The following LYRM4 variants were observed in gnomAD, a reference collection of about 807,000 sequenced individuals.
LYRM4 encodes LYR motif containing 4, also known as LYR motif-containing protein 4.
In LYRM4, 9 loss-of-function variants were observed where a neutral mutation model predicts 11.7. The observed-to-expected ratio is 0.77, with a 90% CI of 0.46 to 1.34. The LOEUF (loss-of-function observed/expected upper bound fraction) is 1.34, where lower values mean the gene tolerates loss of function less well. Among genes scored for constraint, LYRM4 ranks in the 40% most tolerant of loss-of-function variants. LYRM4 has a pLI of 0.00. For synonymous variants in LYRM4, 42 were observed against 40.4 expected, an observed-to-expected ratio of 1.04 and a Z score of -0.15; for missense variants, 133 against 112.5, an observed-to-expected ratio of 1.18 and a Z score of -0.82.
At chr6:5,074,516 TAGC>T in the LYRM4 span, among the ~76,000 whole-genome samples, 1 of 147,330 alleles carries the variant, frequency 6.8e-6, no homozygotes, top group Non-Finnish European at 1.5e-5. Flanking sequence ...CAGATAGAAA[TAGC>T]AGCAAGAGAA....
intron 2 of LYRM4, among the ~76,000 whole-genome samples, chr6:5,153,056 T>TA (rs1758184375): frequency 6.6e-6 from 1 of 152,194 alleles, no homozygotes; most frequent in South Asian, 2.1e-4. Context: ...CACAATACAC[T>TA]AGGCTGTTGG....
the LYRM4 span, among the ~76,000 whole-genome samples, chr6:5,075,785 T>A: frequency 1.3e-5 from 2 of 152,222 alleles, no homozygotes; most frequent in Non-Finnish European, 2.9e-5. Context: ...CATTTATTCA[T>A]AATTGCTTTT....
chr6:5,144,044 C>T lies in LYRM4; in HGVS notation c.208-34553G>A, dbSNP rs900728163. The T allele has an allele frequency of 3.8e-5, 53 of 1,403,304 alleles. 1 individual carries two copies. In the South Asian group the frequency reaches 5.5e-4, roughly 15 times the overall value. The allele number at this position is 1,403,304 out of a possible 1,614,324, so 86.9% of individuals were successfully genotyped here. ...AAGCCCCTGACATCAAATTGCTTTC[C>T]TCCCTGAATAGCTGCTTCATACTCC... On this transcript the variant is annotated intron_variant, in intron 2 of 2. Coordinates refer to ENST00000330636, the MANE Select transcript of LYRM4 (RefSeq NM_020408.6).
At chr6:5,078,228 C>G in the LYRM4 span, among the ~76,000 whole-genome samples, 1 of 151,526 alleles carries the variant, frequency 6.6e-6, no homozygotes, top group African/African-American at 2.4e-5. Flanking sequence ...TGGCCCCTTT[C>G]AGCTGGGTAC....
chr6:5,087,153 T>G, the LYRM4 span: 2 of 152,470 alleles, frequency 1.3e-5, no homozygotes, highest in African/African-American at 4.8e-5. Context: ...GTGCCCAGAC[T>G]TGACGTTGTT....
the LYRM4 span, among the ~76,000 whole-genome samples, chr6:5,038,887 A>AGGGGGAGGGG: frequency 2.3e-5 from 2 of 85,110 alleles, no homozygotes; most frequent in African/African-American, 5.6e-5. Context: ...GTGGAGGGAG[A>AGGGGGAGGGG]GAGAGGGAGA....
chr6:5,171,188 C>T (rs1211535799), intron 2 of LYRM4, among the ~76,000 whole-genome samples: 1 of 152,026 alleles, frequency 6.6e-6, no homozygotes, highest in Non-Finnish European at 1.5e-5. Flanking sequence ...ATTACAATAA[C>T]CACAGATTAT....
At chr6:5,179,065 C>CAAAAAAAAAAAAAAAAAAAA (rs58749743) in intron 2 of LYRM4, among the ~76,000 whole-genome samples, 1 of 103,898 alleles carries the variant, frequency 9.6e-6, no homozygotes, top group Non-Finnish European at 1.9e-5. Flanking sequence ...ACCAAAAAAA[C>CAAAAAAAAAAAAAAAAAAAA]AAAAAAAAAA....
intron 2 of LYRM4, among the ~76,000 whole-genome samples, chr6:5,117,795 GA>G (rs1763190802): frequency 6.6e-6 from 1 of 152,014 alleles, no homozygotes. Flanking sequence ...TTGAGCCCAG[GA>G]GTTCGAGGCT....
chr6:5,161,061 GATA>G (rs1304931053), intron 2 of LYRM4, among the ~76,000 whole-genome samples: 17 of 152,158 alleles, frequency 1.1e-4, no homozygotes, highest in Admixed American at 1.0e-3. Context: ...ACCCTACATT[GATA>G]ATACTACTAC....
chr6:5,096,056 T>C, the LYRM4 span, among the ~76,000 whole-genome samples: 3 of 152,170 alleles, frequency 2.0e-5, no homozygotes, highest in Non-Finnish European at 4.4e-5. Flanking sequence ...ATTTTGACAA[T>C]GTACTATGAT....
intron 2 of LYRM4, among the ~76,000 whole-genome samples, chr6:5,204,033 AC>A (rs1397658699): frequency 6.6e-6 from 1 of 152,044 alleles, no homozygotes; most frequent in East Asian, 1.9e-4. Context: ...TCTCCTTCAC[AC>A]CCCTAGGAAG....
At chr6:5,226,410 G>A (rs1762894379) in intron 1 of LYRM4, among the ~76,000 whole-genome samples, 1 of 152,156 alleles carries the variant, frequency 6.6e-6, no homozygotes, top group South Asian at 2.1e-4. Flanking sequence ...TTGAGATGGA[G>A]TTTTGCTCTT....
At chr6:5,091,140 C>G in the LYRM4 span, among the ~76,000 whole-genome samples, 1 of 152,216 alleles carries the variant, frequency 6.6e-6, no homozygotes, top group Non-Finnish European at 1.5e-5. Context: ...GTTTGTCCAG[C>G]CAGTCCCCAA....
chr6:5,255,876 G>T (rs748529627), intron 1 of LYRM4, among the ~76,000 whole-genome samples: 1 of 152,198 alleles, frequency 6.6e-6, no homozygotes, highest in Non-Finnish European at 1.5e-5. Flanking sequence ...ACCCCAGGAT[G>T]AGAACTACTA....
chr6:5,074,026 G>A, the LYRM4 span, among the ~76,000 whole-genome samples: 7 of 152,092 alleles, frequency 4.6e-5, no homozygotes, highest in African/African-American at 1.2e-4. Flanking sequence ...CTAGACACAC[G>A]TGGCTGCAGG....
the LYRM4 span, chr6:5,085,287 C>T: frequency 1.9e-6 from 1 of 514,606 alleles, no homozygotes; most frequent in Admixed American, 3.9e-5. Flanking sequence ...CATCCTCCTC[C>T]CACTTCGCCC....
At chr6:5,211,455 G>GT in intron 2 of LYRM4, among the ~76,000 whole-genome samples, 1 of 152,148 alleles carries the variant, frequency 6.6e-6, no homozygotes, top group Non-Finnish European at 1.5e-5. Context: ...AAAAAAAAGT[G>GT]TAAGCTAAGA....
chr6:5,140,998 T>C (rs1757378512), intron 2 of LYRM4, among the ~76,000 whole-genome samples: 1 of 152,244 alleles, frequency 6.6e-6, no homozygotes, highest in African/African-American at 2.4e-5. Flanking sequence ...ACCAAGAGCC[T>C]CTGTGTGTGA....
Sources: gnomAD v4.1 joint callset for allele counts (sites outside exome capture counted in the v4.1 genomes callset) on GRCh38, gnomAD v4.1.1 for gene constraint, MANE v1.5 for transcripts, NCBI Gene and HGNC (gene_info 2026-07-23, HGNC 2026-07-21) for gene names.